Variants in MTMR2 observed in about 807,000 individuals in gnomAD.
MTMR2 encodes the protein phosphatidylinositol-3,5-bisphosphate 3-phosphatase MTMR2.
MTMR2 carries 55 observed loss-of-function variants against 86.9 expected under a neutral mutation model. The ratio of observed to expected loss-of-function variants is 0.63; its 90% CI spans 0.51 to 0.79. The LOEUF (loss-of-function observed/expected upper bound fraction) is 0.79. MTMR2 is among the 30% of genes least tolerant of loss of function. The pLI, the probability that MTMR2 is intolerant of heterozygous loss-of-function variation, is 0.00. For synonymous variants in MTMR2, 241 were observed against 266.8 expected (o/e 0.90, Z 0.94); for missense variants, 659 against 772.3 (o/e 0.85, Z 1.74).
chr11:95,915,444 T>C (rs1866662321), intron 1 of MTMR2, among the ~76,000 whole-genome samples: 1 of 152,202 alleles, frequency 6.6e-6, no homozygotes, highest in South Asian at 2.1e-4. Context: ...ATACATATGC[T>C]CTTCTATTCA....
rs1272707368 is a variant in MTMR2 at position 95,833,785 on chromosome 11, G to GCC, written c.*1503_*1504dup. On this transcript the variant is annotated 3_prime_UTR_variant, in exon 15 of 15. Coordinates refer to ENST00000346299, the MANE Select transcript of MTMR2 (RefSeq NM_016156.6). ...TTACTGATTTGCTAGCCACTTAAAT[G>GCC]CCCTGTTAAAAAGCTTATATTTCAC... 6.6e-6 allele frequency: 1 copy of GCC among 152,002 alleles called. No homozygotes were observed. The highest frequency in any genetic ancestry group is 1.5e-5 in the Non-Finnish European group (1 of 67,984). 9.4% of individuals were successfully genotyped at this position (152,002 alleles called of 1,614,324 possible).
At chr11:95,896,841 T>A (rs527368004) in intron 1 of MTMR2, among the ~76,000 whole-genome samples, 2 of 151,660 alleles carry the variant, frequency 1.3e-5, no homozygotes, top group East Asian at 3.9e-4. Context: ...ATCAAAAGAC[T>A]TCCTGGAATA....
intron 2 of MTMR2, among the ~76,000 whole-genome samples, chr11:95,879,869 A>C (rs1230181420): frequency 6.6e-6 from 1 of 152,154 alleles, no homozygotes; most frequent in African/African-American, 2.4e-5. Context: ...TTATAGAATA[A>C]GCAAAAATTA....
intron 1 of MTMR2, among the ~76,000 whole-genome samples, chr11:95,919,920 A>C (rs1866852557): frequency 1.3e-5 from 2 of 152,200 alleles, no homozygotes; most frequent in African/African-American, 4.8e-5. Flanking sequence ...AAAGCAGTGC[A>C]TTTTATAATA....
chr11:95,884,828 A>C (rs968420223), intron 2 of MTMR2, among the ~76,000 whole-genome samples: 2 of 152,198 alleles, frequency 1.3e-5, no homozygotes, highest in Admixed American at 1.3e-4. Flanking sequence ...GTAAAGATAT[A>C]TCTAACAACT....
At position 95,923,855 on chromosome 11, in the gene MTMR2, G is replaced by A; in HGVS notation, c.80+20C>T. 6.5e-7 allele frequency: 1 copy of A among 1,538,132 alleles called. No individual in the cohort carries two copies. The highest frequency in any genetic ancestry group is 8.8e-7 in the Non-Finnish European group (1 of 1,138,468). ...CCATCCCCTTCGGACGCTGGGCGGG[G>A]CCCTGGGCGTCCTGGTTACCTGGAC... On this transcript the variant is annotated intron_variant, in intron 1 of 14. Coordinates refer to ENST00000346299, the MANE Select transcript of MTMR2 (RefSeq NM_016156.6).
chr11:95,854,064 G>T (rs1864121723), intron 7 of MTMR2, among the ~76,000 whole-genome samples: 1 of 152,106 alleles, frequency 6.6e-6, no homozygotes. Context: ...GGTGGGGTAG[G>T]AATGAGAACC....
chr11:95,833,027 G>A lies in MTMR2; in HGVS notation c.*2263C>T, dbSNP rs1014180842. ...ACAGTGCTATGGGGGCACAGAGGAA[G>A]GTGGGGATGTCAGAGAAGGCAGTCG... On this transcript the variant is annotated 3_prime_UTR_variant, in exon 15 of 15. Coordinates refer to ENST00000346299, the MANE Select transcript of MTMR2 (RefSeq NM_016156.6). 1.3e-5 allele frequency: 2 copies of A among 152,232 alleles called. No individual in the cohort carries two copies. The highest frequency in any genetic ancestry group is 2.1e-4 in the South Asian group (1 of 4,830). 9.4% of individuals were successfully genotyped at this position (152,232 alleles called of 1,614,324 possible). A position where few individuals can be genotyped will look rare whatever the true frequency, so the allele number is the denominator to read the frequency against.
At chr11:95,899,358 G>GT (rs1865989930) in intron 1 of MTMR2, among the ~76,000 whole-genome samples, 1 of 152,072 alleles carries the variant, frequency 6.6e-6, no homozygotes, top group South Asian at 2.1e-4. Context: ...AAAACAGGTC[G>GT]TTTGAGAAGC....
At chr11:95,850,506 A>G (rs1213305903) in intron 8 of MTMR2, 94 bp downstream of exon 8, 21 of 1,262,052 alleles carry the variant, frequency 1.7e-5, no homozygotes. Flanking sequence ...TGCTGTAGCT[A>G]TTTATATCCT....
At chr11:95,847,616 A>C in intron 10 of MTMR2, 98 bp downstream of exon 10, 1 of 1,100,166 alleles carries the variant, frequency 9.1e-7, no homozygotes, top group Non-Finnish European at 1.4e-6. Context: ...CATTGTTTAG[A>C]AAGGTACCTT....
chr11:95,902,557 C>T (rs1480388181), intron 1 of MTMR2, among the ~76,000 whole-genome samples: 3 of 152,166 alleles, frequency 2.0e-5, no homozygotes, highest in Non-Finnish European at 4.4e-5. Flanking sequence ...GTAGTCAGAA[C>T]TACCAGATTC....
chr11:95,881,782 G>C (rs962549180), intron 2 of MTMR2, among the ~76,000 whole-genome samples: 12 of 151,878 alleles, frequency 7.9e-5, no homozygotes, highest in African/African-American at 2.9e-4. Flanking sequence ...TGAAAGTTTT[G>C]TTTATTCCTT....
intron 2 of MTMR2, among the ~76,000 whole-genome samples, chr11:95,874,704 A>G (rs1311232194): frequency 3.3e-5 from 5 of 152,036 alleles, no homozygotes; most frequent in Admixed American, 1.3e-4. Flanking sequence ...GGTCTTTACA[A>G]TTTGGCATGT....
intron 8 of MTMR2, 116 bp from the exon 9 acceptor site, chr11:95,849,978 G>A: frequency 2.1e-6 from 2 of 937,108 alleles, no homozygotes; most frequent in Non-Finnish European, 3.3e-6. Context: ...GGCCATGAAA[G>A]GACATCTGAG....
chr11:95,877,923 C>T (rs1358310916), intron 2 of MTMR2, among the ~76,000 whole-genome samples: 1 of 151,662 alleles, frequency 6.6e-6, no homozygotes, highest in African/African-American at 2.4e-5. Flanking sequence ...TTTAAGCTAC[C>T]CAGTTTGTGG....
At chr11:95,900,748 TGCATA>T (rs1866045938) in intron 1 of MTMR2, among the ~76,000 whole-genome samples, 1 of 152,220 alleles carries the variant, frequency 6.6e-6, no homozygotes, top group Non-Finnish European at 1.5e-5. Flanking sequence ...CACACTCACA[TGCATA>T]AACTTACACA....
At position 95,833,855 on chromosome 11, in the gene MTMR2, G is replaced by A. The variant is rs1164839174; in HGVS notation, c.*1435C>T. 1.3e-5 allele frequency: 2 copies of A among 151,988 alleles called. No homozygotes were observed. The highest frequency in any genetic ancestry group is 6.8e-3 in the Middle Eastern group (2 of 294). 9.4% of individuals were successfully genotyped at this position (151,988 alleles called of 1,614,324 possible). On this transcript the variant is annotated 3_prime_UTR_variant, in exon 15 of 15. Transcript: ENST00000346299. ...TTTTGGTACCAATTTTGCTAAATTG[G>A]ATATACTAATAGAAACTTCCTCACT...
At position 95,877,015 on chromosome 11, in the gene MTMR2, C is replaced by T. The variant is rs574848738; in HGVS notation, c.186+11141G>A. Among the ~76,000 whole-genome samples, 5 of 152,254 alleles carry T rather than the reference C, an allele frequency of 3.3e-5. No individual in the cohort carries two copies. The East Asian group carries it at 7.7e-4, about 23-fold the overall frequency. ...TCTGCAAAACACTAAATAATAATCA[C>T]CTGAAAGGGAAAAATGAGTCTATAC... On this transcript the variant is annotated intron_variant, in intron 2 of 14. Transcript: ENST00000346299.
Sources: gnomAD v4.1 joint callset for allele counts (sites outside exome capture counted in the v4.1 genomes callset) on GRCh38, gnomAD v4.1.1 for gene constraint, MANE v1.5 for transcripts, NCBI Gene and HGNC (gene_info 2026-07-23, HGNC 2026-07-21) for gene names.